Variants in TOB1 observed in about 807,000 individuals in gnomAD.
TOB1 encodes transducer of ERBB2, 1.
Under a neutral mutation model 22.9 loss-of-function variants are expected in TOB1, and 2 were observed. The observed-to-expected ratio is 0.09, with a 90% confidence interval of 0.04 to 0.28. The LOEUF is 0.28. Ranked by LOEUF, TOB1 falls within the 10% of genes least tolerant of loss-of-function variation. The pLI, the probability that TOB1 is intolerant of heterozygous loss-of-function variation, is 1.00. For synonymous variants in TOB1, 154 were observed against 150.6 expected, an observed-to-expected ratio of 1.02 and a Z score of -0.17; for missense variants, 299 against 420.5, an observed-to-expected ratio of 0.71 and a Z score of 2.53.
Position 50,864,039 on chromosome 17 carries a change from G to A in TOB1, c.-22C>T. On this transcript the variant is annotated 5_prime_UTR_variant, in exon 2 of 2. Coordinates refer to ENST00000499247, the MANE Select transcript of TOB1 (RefSeq NM_005749.4). ...GCATAGCTGCTACGCCACAAAATTA[G>A]GTTTCAACTCCCCCACCAAAAAAAA... The A allele has an allele frequency of 1.3e-6, 1 of 745,266 alleles. No individual in the cohort carries two copies. Among genetic ancestry groups the A allele is most frequent in the East Asian group, 3.6e-5 (1 of 27,764 alleles). 46.2% of individuals were successfully genotyped at this position (745,266 alleles called of 1,614,324 possible). A position where few individuals can be genotyped will look rare whatever the true frequency, so the allele number is the denominator to read the frequency against.
upstream of TOB1, chr17:50,867,573 GT>G (rs1879909408): frequency 6.6e-6 from 1 of 152,220 alleles, no homozygotes; most frequent in South Asian, 2.1e-4. Flanking sequence ...GGAGACCGAC[GT>G]CAAACTCGGA....
At position 50,862,798 on chromosome 17, in the gene TOB1, G is replaced by A. The variant is rs537728941; in HGVS notation, c.*182C>T. ...GAGTATACTTTAAAATATACAGTCAGTATAAAATAACTTTGTGCTTGGTTG... is the reference window on the plus strand; with the variant it reads ...GAGTATACTTTAAAATATACAGTCAATATAAAATAACTTTGTGCTTGGTTG... On this transcript the variant is annotated 3_prime_UTR_variant, in exon 2 of 2. Transcript: ENST00000499247. 7.3e-5 allele frequency: 59 copies of A among 813,070 alleles called. No homozygotes were observed. The African/African-American group carries it at 1.0e-3, about 14-fold the overall frequency. 50.4% of individuals were successfully genotyped at this position (813,070 alleles called of 1,614,324 possible). A position where few individuals can be genotyped will look rare whatever the true frequency, so the allele number is the denominator to read the frequency against.
upstream of TOB1, chr17:50,866,803 C>T (rs1972318718): frequency 6.6e-6 from 1 of 152,518 alleles, no homozygotes; most frequent in South Asian, 2.1e-4. Flanking sequence ...CTCAGGAGAA[C>T]CGGGGCTGGA....
rs989304076 is a variant in TOB1 at position 50,862,361 on chromosome 17, C to G, written c.*619G>C. 1.3e-5 allele frequency: 2 copies of G among 151,586 alleles called. No individual in the cohort carries two copies. The highest frequency in any genetic ancestry group is 4.9e-5 in the African/African-American group (2 of 41,104). 9.4% of individuals were successfully genotyped at this position (151,586 alleles called of 1,614,324 possible). A position where few individuals can be genotyped will look rare whatever the true frequency, so the allele number is the denominator to read the frequency against. ...AATATAGGTACAAAATTAATATTTA[C>G]GATTACATTTTTCTTCCATAATATA... is the stretch of plus-strand genomic sequence containing the variant. On this transcript the variant is annotated 3_prime_UTR_variant, in exon 2 of 2. Transcript: ENST00000499247.
rs56106159 is a variant in TOB1 at position 50,862,895 on chromosome 17, TAA to T, written c.*83_*84del. 68 of 1,184,238 alleles carry T rather than the reference TAA, an allele frequency of 5.7e-5. No homozygotes were observed. In the South Asian group the frequency reaches 6.2e-4, roughly 11 times the overall value. 73.4% of individuals were successfully genotyped at this position (1,184,238 alleles called of 1,614,324 possible). A position where few individuals can be genotyped will look rare whatever the true frequency, so the allele number is the denominator to read the frequency against. ...CTTGAATGTATCCTTACTATAAGCT[TAA>T]AAAAAAAAATTCTCAAGGAGGTGAA... On this transcript the variant is annotated 3_prime_UTR_variant, in exon 2 of 2. Transcript: ENST00000499247.
Position 50,863,505 on chromosome 17 carries a change from G to T in TOB1, c.513C>A (p.Ser171=). 6.2e-7 allele frequency: 1 copy of T among 1,614,170 alleles called. No individual in the cohort carries two copies. The highest frequency in any genetic ancestry group is 8.5e-7 in the Non-Finnish European group (1 of 1,180,032). Residue 171 remains serine, a synonymous_variant, in exon 2 of 2, where the codon TCC becomes TCA. Coordinates refer to ENST00000499247, the MANE Select transcript of TOB1 (RefSeq NM_005749.4). ...AAVSPTFMPR[S]TQPLTFTTAT... ...CAGTGGTAAAGGTTAAAGGCTGAGT[G>T]GACCGGGGCATGAAGGTAGGGCTTA...
In TOB1 at chr17:50,866,096, T is replaced by TGGGCGGGGAGCAGCGCGGCA. The variant is rs1163445676; in HGVS notation, c.-205_-186dup. On this transcript the variant is annotated 5_prime_UTR_variant, in exon 1 of 2. Coordinates refer to ENST00000499247, the MANE Select transcript of TOB1 (RefSeq NM_005749.4). ...GCGGCTTGGACCACAGACCCGCGGCTGGGCGGGGAGCAGCGCGGCAGGGCG... is the reference window on the plus strand; with the variant it reads ...GCGGCTTGGACCACAGACCCGCGGCTGGGCGGGGAGCAGCGCGGCAGGGCGGGGAGCAGCGCGGCAGGGCG... 4 of 151,424 alleles carry TGGGCGGGGAGCAGCGCGGCA rather than the reference T, an allele frequency of 2.6e-5. No individual in the cohort carries two copies. Among genetic ancestry groups the TGGGCGGGGAGCAGCGCGGCA allele is most frequent in the Non-Finnish European group, 5.9e-5 (4 of 67,924 alleles). The allele number at this position is 151,424 out of a possible 1,614,324, so 9.4% of individuals were successfully genotyped here. A position where few individuals can be genotyped will look rare whatever the true frequency, so the allele number is the denominator to read the frequency against.
chr17:50,863,352 G>C lies in TOB1; in HGVS notation c.666C>G (p.Ile222Met), dbSNP rs199825323. Residue 222 changes from isoleucine (I) to methionine (M), a missense_variant, in exon 2 of 2, where the codon ATC becomes ATG. Physicochemically the swap from Ile to Met is conservative, Grantham distance 10. Transcript: ENST00000499247. ...CATACAGAGAGTGCATTGAGGAAGA[G>C]ATGGCTTTCTGCTTCAAGAGGTCAT... Reference protein sequence around the residue: ...NVNDLLKQKAISSSMHSLYGL... With the variant: ...NVNDLLKQKAMSSSMHSLYGL... 2.5e-6 allele frequency: 4 copies of C among 1,614,076 alleles called. No individual in the cohort carries two copies. The highest frequency in any genetic ancestry group is 3.4e-6 in the Non-Finnish European group (4 of 1,180,054).
rs1026703974 is a variant in TOB1 at position 50,862,714 on chromosome 17, TA to T, written c.*265del. On this transcript the variant is annotated 3_prime_UTR_variant, in exon 2 of 2. Coordinates refer to ENST00000499247, the MANE Select transcript of TOB1 (RefSeq NM_005749.4). ...ACCCACTTATTAGTGCCAATTTTTA[TA>T]AAAAAAAATCAGCCATGTCCTTGCT... 4.9e-4 allele frequency: 166 copies of T among 335,634 alleles called. No individual in the cohort carries two copies. The highest frequency in any genetic ancestry group is 1.7e-3 in the Middle Eastern group (2 of 1,188). 20.8% of individuals were successfully genotyped at this position (335,634 alleles called of 1,614,324 possible).
chr17:50,864,220 C>A, intron 1 of TOB1, 57 bp from the exon 2 acceptor site: 1 of 986,896 alleles, frequency 1.0e-6, no homozygotes, highest in East Asian at 3.3e-5. Context: ...GTCCCATGAC[C>A]TTCCCCCCTC....
upstream of TOB1, chr17:50,867,683 C>T (rs1972335257): frequency 6.6e-6 from 1 of 152,388 alleles, no homozygotes; most frequent in Non-Finnish European, 1.5e-5. Context: ...TTTCCCCTTT[C>T]CCCTCTCCTC....
chr17:50,864,884 A>G (rs1016625565), intron 1 of TOB1, among the ~76,000 whole-genome samples: 3 of 152,244 alleles, frequency 2.0e-5, no homozygotes, highest in African/African-American at 7.2e-5. Context: ...GAAAATACCT[A>G]TTCGGCAGCA....
In TOB1 at chr17:50,862,965, T is replaced by C; in HGVS notation, c.*15A>G. The C allele has an allele frequency of 6.3e-7, 1 of 1,589,858 alleles. No homozygotes were observed. Among genetic ancestry groups the C allele is most frequent in the South Asian group, 1.1e-5 (1 of 87,628 alleles). On this transcript the variant is annotated 3_prime_UTR_variant, in exon 2 of 2. Transcript: ENST00000499247. ...GGCCCGTGCATTTTAACTTGTACGATACATTTTCTTTTTTTTAGTTAGCCA... is the reference window on the plus strand; with the variant it reads ...GGCCCGTGCATTTTAACTTGTACGACACATTTTCTTTTTTTTAGTTAGCCA...
At chr17:50,866,664 G>C (rs1226616678), upstream of TOB1, 1 of 152,400 alleles carries the variant, frequency 6.6e-6, no homozygotes, top group Non-Finnish European at 1.5e-5. Context: ...TGAAGAGAAC[G>C]TCTGGAAAGG....
Position 50,862,755 on chromosome 17 carries a change from G to GT in TOB1, c.*224dup. 1.7e-5 allele frequency: 9 copies of GT among 539,270 alleles called. No homozygotes were observed. Among genetic ancestry groups the GT allele is most frequent in the East Asian group, 3.6e-5 (1 of 28,022 alleles). The allele number at this position is 539,270 out of a possible 1,614,324, so 33.4% of individuals were successfully genotyped here. A position where few individuals can be genotyped will look rare whatever the true frequency, so the allele number is the denominator to read the frequency against. On this transcript the variant is annotated 3_prime_UTR_variant, in exon 2 of 2. Coordinates refer to ENST00000499247, the MANE Select transcript of TOB1 (RefSeq NM_005749.4). Reference sequence around the variant, plus strand: ...ATGTCCTTGCTATATCTTAAATACTGTAAGAGGCCATATCTGAGAGTATAC... The same window carrying GT: ...ATGTCCTTGCTATATCTTAAATACTGTTAAGAGGCCATATCTGAGAGTATAC...
upstream of TOB1, chr17:50,866,797 G>A (rs1972318671): frequency 6.5e-6 from 1 of 152,708 alleles, no homozygotes; most frequent in Admixed American, 6.5e-5. Context: ...AAGCGGCTCA[G>A]GAGAACCGGG....
intron 1 of TOB1, among the ~76,000 whole-genome samples, chr17:50,865,396 G>T (rs578092684): frequency 6.6e-6 from 1 of 152,342 alleles, no homozygotes; most frequent in African/African-American, 2.4e-5. Flanking sequence ...GCAGGAGTGT[G>T]AAGAATTACA....
chr17:50,866,762 G>C (rs1275026184), upstream of TOB1: 1 of 152,732 alleles, frequency 6.5e-6, no homozygotes, highest in African/African-American at 2.4e-5. Flanking sequence ...CCGGGCAGAG[G>C]GGGAGGGGGA....
At chr17:50,865,887 G>A (rs1972295434) in intron 1 of TOB1, among the ~76,000 whole-genome samples, 171 bp downstream of exon 1, 1 of 151,504 alleles carries the variant, frequency 6.6e-6, no homozygotes, top group Admixed American at 6.6e-5. Context: ...GCCCCTCGGA[G>A]CCGCTCCCCT....
Sources: gnomAD v4.1 joint callset for allele counts (sites outside exome capture counted in the v4.1 genomes callset) on GRCh38, gnomAD v4.1.1 for gene constraint, MANE v1.5 for transcripts, NCBI Gene and HGNC (gene_info 2026-07-23, HGNC 2026-07-21) for gene names.